The following SPHKAP variants were observed in gnomAD, a reference collection of about 807,000 sequenced individuals.
The protein encoded by SPHKAP is SPHK1 interactor, AKAP domain containing, also known as A-kinase anchor protein SPHKAP.
SPHKAP carries 67 observed loss-of-function variants against 137.5 expected under a neutral mutation model. That is an observed-to-expected ratio of 0.49 (90% CI 0.40 to 0.60). SPHKAP has a LOEUF of 0.60. Among genes scored for constraint, SPHKAP ranks in the 20% least tolerant of loss-of-function variants. The probability of loss-of-function intolerance (pLI) is 0.00; values close to 1 mark genes in which losing one functional copy is unlikely to be tolerated. For synonymous variants in SPHKAP, 813 were observed against 785.3 expected, an observed-to-expected ratio of 1.04 and a Z score of -0.59; for missense variants, 2,097 against 2,069.3, an observed-to-expected ratio of 1.01 and a Z score of -0.26.
chr2:228,089,207 G>T (rs1697639503), intron 3 of SPHKAP, among the ~76,000 whole-genome samples: 1 of 152,182 alleles, frequency 6.6e-6, no homozygotes, highest in Non-Finnish European at 1.5e-5. Flanking sequence ...AAGTTATTGG[G>T]AAATGGAGCA....
intron 3 of SPHKAP, among the ~76,000 whole-genome samples, chr2:228,063,209 TATTTACCTGTCTATC>T (rs1222240778): frequency 3.9e-5 from 6 of 151,954 alleles, no homozygotes; most frequent in African/African-American, 7.2e-5. Flanking sequence ...TCTATCTATC[TATTTACCTGTCTATC>T]TACCTGTCTA....
intron 3 of SPHKAP, among the ~76,000 whole-genome samples, chr2:228,028,473 G>A (rs909363427): frequency 6.6e-6 from 1 of 152,200 alleles, no homozygotes; most frequent in Non-Finnish European, 1.5e-5. Flanking sequence ...GTGAAACATT[G>A]TTATAAAGTC....
Position 228,017,829 on chromosome 2 carries a change from C to T in SPHKAP, c.3025G>A (p.Glu1009Lys), listed in dbSNP as rs565832574. The T allele has an allele frequency of 3.1e-6, 5 of 1,614,102 alleles. No homozygotes were observed. The highest frequency in any genetic ancestry group is 3.3e-5 in the Admixed American group (2 of 60,016). ...RLSEIKRKTD[E>K]HPELKEKLMN... ...AGCTTTTCTTTAAGCTCAGGGTGCTCGTCCGTCTTCCTCTTGATCTCACTG... is the reference window on the plus strand; with the variant it reads ...AGCTTTTCTTTAAGCTCAGGGTGCTTGTCCGTCTTCCTCTTGATCTCACTG... The change falls in exon 7 of 12, where the codon GAG (glutamate) becomes AAG (lysine). Residue 1009 changes from glutamate (E) to lysine (K), a missense_variant. By Grantham distance (56) the Glu-to-Lys change is moderately conservative. Coordinates refer to ENST00000392056, the MANE Select transcript of SPHKAP (RefSeq NM_001142644.2).
chr2:228,027,394 T>C, intron 4 of SPHKAP, 90 bp downstream of exon 4: 1 of 1,302,486 alleles, frequency 7.7e-7, no homozygotes, highest in South Asian at 1.2e-5. Flanking sequence ...AACTAAAGAG[T>C]CTCCTACAAA....
intron 1 of SPHKAP, among the ~76,000 whole-genome samples, chr2:228,152,905 C>T (rs1171494309): frequency 6.6e-6 from 1 of 152,134 alleles, no homozygotes; most frequent in African/African-American, 2.4e-5. Context: ...TCCCATAATT[C>T]CCATGTCTGT....
intron 3 of SPHKAP, among the ~76,000 whole-genome samples, chr2:228,092,826 A>G (rs1351163263): frequency 6.6e-6 from 1 of 152,032 alleles, no homozygotes; most frequent in Non-Finnish European, 1.5e-5. Flanking sequence ...CAAACATCAT[A>G]TGTTCTCACT....
intron 1 of SPHKAP, among the ~76,000 whole-genome samples, chr2:228,168,024 C>T (rs139303543): frequency 0.023 from 3,445 of 151,990 alleles, 59 homozygotes; most frequent in South Asian, 0.037. Flanking sequence ...TTACACTTAA[C>T]GAATAATTTA....
At chr2:228,075,975 G>T (rs1258400552) in intron 3 of SPHKAP, among the ~76,000 whole-genome samples, 4 of 152,180 alleles carry the variant, frequency 2.6e-5, no homozygotes, top group Non-Finnish European at 4.4e-5. Context: ...CCCTCGTGTT[G>T]TGAGAGGAAC....
At chr2:228,156,136 C>T (rs956756279) in intron 1 of SPHKAP, among the ~76,000 whole-genome samples, 6 of 152,150 alleles carry the variant, frequency 3.9e-5, no homozygotes, top group Admixed American at 6.5e-5. Flanking sequence ...TTTATGTATA[C>T]TTTTAGTGTT....
chr2:228,101,058 C>G (rs914368762), intron 3 of SPHKAP, among the ~76,000 whole-genome samples: 1 of 152,144 alleles, frequency 6.6e-6, no homozygotes, highest in African/African-American at 2.4e-5. Flanking sequence ...GATGGTCACT[C>G]TGAAGACCCT....
At position 227,981,802 on chromosome 2, in the gene SPHKAP, T is replaced by C; in HGVS notation, c.5018A>G (p.His1673Arg). 6.2e-7 allele frequency: 1 copy of C among 1,613,870 alleles called. No homozygotes were observed. Among genetic ancestry groups the C allele is most frequent in the Non-Finnish European group, 8.5e-7 (1 of 1,179,832 alleles). Reference protein sequence around the residue: ...RKSWKVGDIFHAVVQYCKMHE... With the variant: ...RKSWKVGDIFRAVVQYCKMHE... ...CATTTTGCAGTACTGGACAACTGCA[T>C]GGAAGATATCACCCACTTTCCAGGA... is the stretch of plus-strand genomic sequence containing the variant. The change falls in exon 12 of 12, where the codon CAT becomes CGT. Residue 1673 changes from histidine to arginine, a missense_variant. By Grantham distance (29) the His-to-Arg change is conservative. Transcript: ENST00000392056.
At chr2:228,027,291 G>T (rs1695080853) in intron 4 of SPHKAP, among the ~76,000 whole-genome samples, 193 bp downstream of exon 4, 1 of 152,180 alleles carries the variant, frequency 6.6e-6, no homozygotes, top group South Asian at 2.1e-4. Context: ...CTGCCTACAT[G>T]GGAGAGCAAG....
Position 228,019,650 on chromosome 2 carries a change from C to T in SPHKAP, c.1204G>A (p.Asp402Asn), listed in dbSNP as rs772619859. 18 of 1,613,988 alleles carry T rather than the reference C, an allele frequency of 1.1e-5. No homozygotes were observed. Among genetic ancestry groups the T allele is most frequent in the Non-Finnish European group, 1.4e-5 (17 of 1,179,992 alleles). The change falls in exon 7 of 12, where the codon GAT (aspartate) becomes AAT (asparagine). Residue 402 changes from aspartate (D) to asparagine (N), a missense_variant. By Grantham distance (23) the Asp-to-Asn change is conservative. Coordinates refer to ENST00000392056, the MANE Select transcript of SPHKAP (RefSeq NM_001142644.2). ...GATTGAGATAATCTAATAAATGCAT[C>T]CTGCAGCACGGATTCTGCTAAATTT... ...ATNLAESVLQ[D>N]AFIRLSQSQS...
intron 3 of SPHKAP, among the ~76,000 whole-genome samples, chr2:228,092,678 C>T (rs2106328988): frequency 6.9e-6 from 1 of 145,004 alleles, no homozygotes; most frequent in South Asian, 2.2e-4. Context: ...ATACATGTGC[C>T]ATGTATATAC....
chr2:228,038,414 AATG>A (rs1695716115), intron 3 of SPHKAP, among the ~76,000 whole-genome samples: 1 of 152,150 alleles, frequency 6.6e-6, no homozygotes, highest in Non-Finnish European at 1.5e-5. Flanking sequence ...GTGTGACTAA[AATG>A]ATAAAACCTG....
Position 228,080,018 on chromosome 2 carries a change from C to G in SPHKAP, c.246+28814G>C, listed in dbSNP as rs192911696. The stretch of plus-strand genomic sequence containing the variant: ...AATGATTAAAATGTAAGACCTAAAA[C>G]TGTAAAACTACTTGAAGTAAACAAA... On this transcript the variant is annotated intron_variant, in intron 3 of 11. Coordinates refer to ENST00000392056, the MANE Select transcript of SPHKAP (RefSeq NM_001142644.2). Among the ~76,000 whole-genome samples the G allele has an allele frequency of 1.2e-3, 186 of 152,140 alleles. 1 individual carries two copies. Among genetic ancestry groups the G allele is most frequent in the African/African-American group, 4.0e-3 (166 of 41,512 alleles).
chr2:228,025,014 T>C (rs1694981655), intron 5 of SPHKAP, among the ~76,000 whole-genome samples: 1 of 152,154 alleles, frequency 6.6e-6, no homozygotes, highest in Non-Finnish European at 1.5e-5. Context: ...ACATAACATC[T>C]GAAAGATGAT....
At chr2:228,165,297 A>G (rs1700391605) in intron 1 of SPHKAP, among the ~76,000 whole-genome samples, 1 of 152,114 alleles carries the variant, frequency 6.6e-6, no homozygotes. Context: ...CCCACTACAC[A>G]GTTCTAATCC....
intron 7 of SPHKAP, among the ~76,000 whole-genome samples, chr2:228,014,171 G>A (rs1315578667): frequency 1.3e-5 from 2 of 152,070 alleles, no homozygotes; most frequent in Non-Finnish European, 1.5e-5. Flanking sequence ...CATAAATCTT[G>A]TTGAACTACT....
Sources: gnomAD v4.1 joint callset for allele counts (sites outside exome capture counted in the v4.1 genomes callset) on GRCh38, gnomAD v4.1.1 for gene constraint, MANE v1.5 for transcripts, NCBI Gene and HGNC (gene_info 2026-07-23, HGNC 2026-07-21) for gene names.